The following DOCK4 variants were observed in gnomAD, a reference collection of about 807,000 sequenced individuals.
DOCK4 encodes dedicator of cytokinesis protein 4.
DOCK4 carries 97 observed loss-of-function variants against 268.1 expected under a neutral mutation model. The observed-to-expected ratio is 0.36, with a 90% CI of 0.31 to 0.43. The LOEUF is 0.43. DOCK4 is among the 20% of genes least tolerant of loss of function. The pLI, the probability that DOCK4 is intolerant of heterozygous loss-of-function variation, is 1.00. For missense variants in DOCK4, 2,145 were observed against 2,455.7 expected (o/e 0.87, Z 2.67); for synonymous variants, 954 against 887.2 (o/e 1.08, Z -1.34).
chr7:112,085,951 A>T (rs1436365927), intron 1 of DOCK4, among the ~76,000 whole-genome samples: 1 of 152,134 alleles, frequency 6.6e-6, no homozygotes, highest in Non-Finnish European at 1.5e-5. Context: ...TACATCCTTG[A>T]AACATTGTAA....
intron 1 of DOCK4, among the ~76,000 whole-genome samples, chr7:112,195,642 G>C (rs1016156803): frequency 1.3e-5 from 2 of 151,160 alleles, no homozygotes; most frequent in Non-Finnish European, 2.9e-5. Flanking sequence ...GCATCCCCAC[G>C]TTCCCAAACC....
intron 41 of DOCK4, among the ~76,000 whole-genome samples, chr7:111,755,920 C>T (rs1022916230): frequency 6.6e-6 from 1 of 152,218 alleles, no homozygotes; most frequent in Non-Finnish European, 1.5e-5. Flanking sequence ...AAACTCTCTT[C>T]ACTCCTTAAC....
At chr7:111,813,128 A>C (rs1250978695) in intron 27 of DOCK4, among the ~76,000 whole-genome samples, 1 of 152,234 alleles carries the variant, frequency 6.6e-6, no homozygotes, top group African/African-American at 2.4e-5. Flanking sequence ...CTGAGGATCA[A>C]TATATAAATT....
chr7:111,753,005 T>TG (rs5886603), intron 42 of DOCK4, among the ~76,000 whole-genome samples: 33,851 of 105,050 alleles, frequency 0.32, 6,108 homozygotes, highest in East Asian at 0.48. Context: ...GATAAGCTAT[T>TG]GGGGGGGGGG....
In DOCK4 at chr7:111,822,406, C is replaced by A. The variant is rs1802057743; in HGVS notation, c.2886G>T (p.Glu962Asp). The change falls in exon 27 of 53, where the codon GAG (glutamate) becomes GAT (aspartate). Residue 962 changes from glutamate to aspartate, a missense_variant. By Grantham distance (45) the Glu-to-Asp change is conservative (BLOSUM62 2). Transcript: ENST00000428084. ...FTVFRILIRP[E>D]MFPKDWTVMR... is the part of the protein sequence containing the mutation. ...TAACAGTCCAGTCCTTTGGAAACATCTCCGGGCGTATCAATATTCGGAACA... is the reference window on the plus strand; with the variant it reads ...TAACAGTCCAGTCCTTTGGAAACATATCCGGGCGTATCAATATTCGGAACA... 1.9e-6 allele frequency: 3 copies of A among 1,613,542 alleles called. No individual in the cohort carries two copies. Among genetic ancestry groups the A allele is most frequent in the African/African-American group, 2.7e-5 (2 of 74,924 alleles).
chr7:112,148,436 A>C (rs1190661801), intron 1 of DOCK4, among the ~76,000 whole-genome samples: 1 of 152,180 alleles, frequency 6.6e-6, no homozygotes, highest in Non-Finnish European at 1.5e-5. Flanking sequence ...ACAATGAAAA[A>C]CAATTAAAGT....
chr7:112,013,674 T>C (rs1238380145), intron 1 of DOCK4, among the ~76,000 whole-genome samples: 1 of 152,230 alleles, frequency 6.6e-6, no homozygotes, highest in Non-Finnish European at 1.5e-5. Flanking sequence ...CACGTGTCCA[T>C]GTGAAGAGAC....
chr7:111,954,060 T>C (rs1796264826), intron 8 of DOCK4, among the ~76,000 whole-genome samples: 1 of 152,260 alleles, frequency 6.6e-6, no homozygotes, highest in South Asian at 2.1e-4. Context: ...CTCATTTATG[T>C]ATGAAATATA....
At chr7:111,942,807 A>C (rs1428285772) in intron 10 of DOCK4, among the ~76,000 whole-genome samples, 11 of 152,214 alleles carry the variant, frequency 7.2e-5, no homozygotes, top group Admixed American at 5.2e-4. Flanking sequence ...ACAGAGCAGT[A>C]GGGGCTACCT....
At chr7:111,923,691 A>G (rs956711997) in intron 12 of DOCK4, among the ~76,000 whole-genome samples, 1 of 152,150 alleles carries the variant, frequency 6.6e-6, no homozygotes, top group African/African-American at 2.4e-5. Flanking sequence ...ACCTTTTCAA[A>G]TATTGCAGCT....
chr7:111,760,063 A>T lies in DOCK4; in HGVS notation c.4162+118T>A, dbSNP rs529613690. 1.2e-4 allele frequency: 149 copies of T among 1,233,852 alleles called. No individual in the cohort carries two copies. In the South Asian group the frequency reaches 1.9e-3, roughly 16 times the overall value. 76.4% of individuals were successfully genotyped at this position (1,233,852 alleles called of 1,614,324 possible). A position where few individuals can be genotyped will look rare whatever the true frequency, so the allele number is the denominator to read the frequency against. ...AAAATTAAGATGATGGGAAAGAGGG[A>T]GCAGTAACGATGTGGCTATTGAAAA... On this transcript the variant is annotated intron_variant, in intron 40 of 52. Coordinates refer to ENST00000428084, the MANE Select transcript of DOCK4 (RefSeq NM_001363540.2).
chr7:112,004,374 T>A (rs2135318692), intron 1 of DOCK4, among the ~76,000 whole-genome samples: 1 of 152,304 alleles, frequency 6.6e-6, no homozygotes, highest in African/African-American at 2.4e-5. Context: ...ATACACAATA[T>A]ATCAATGCTA....
intron 1 of DOCK4, among the ~76,000 whole-genome samples, chr7:112,011,977 A>G (rs1801364396): frequency 1.3e-5 from 2 of 151,532 alleles, no homozygotes; most frequent in African/African-American, 4.9e-5. Context: ...AGCTCCACCA[A>G]TTATGAACCA....
rs766949948 is a variant in DOCK4, at chr7:111,977,327, A to G, written c.550-44T>C. 3 of 1,559,434 alleles carry G rather than the reference A, an allele frequency of 1.9e-6. No homozygotes were observed. The South Asian group carries it at 3.6e-5, about 19-fold the overall frequency. On this transcript the variant is annotated intron_variant, in intron 7 of 52. Transcript: ENST00000428084. The stretch of plus-strand genomic sequence containing the variant: ...CAAAAACATGATCAGCATGGACTGA[A>G]GGAAATAACAGGACCCAACAAACTA...
intron 1 of DOCK4, among the ~76,000 whole-genome samples, chr7:112,041,622 T>C (rs376101614): frequency 5.1e-4 from 78 of 152,332 alleles, no homozygotes; most frequent in African/African-American, 1.7e-3. Context: ...CCCATCTGTT[T>C]CTTGTTCCAT....
intron 20 of DOCK4, 109 bp downstream of exon 20, chr7:111,871,881 G>T: frequency 1.3e-6 from 1 of 778,858 alleles, no homozygotes; most frequent in Non-Finnish European, 2.0e-6. Flanking sequence ...CTTCAGTAGT[G>T]CTCCATTTCT....
chr7:111,785,980 C>T (rs1198600846), intron 32 of DOCK4, among the ~76,000 whole-genome samples: 1 of 152,150 alleles, frequency 6.6e-6, no homozygotes, highest in African/African-American at 2.4e-5. Flanking sequence ...CAATCTCCCT[C>T]TCTCGGTATC....
chr7:112,001,109 T>C (rs1043804498), intron 2 of DOCK4, among the ~76,000 whole-genome samples: 2 of 152,206 alleles, frequency 1.3e-5, no homozygotes, highest in Admixed American at 6.5e-5. Context: ...CATCATTCAC[T>C]GCCAGAATTA....
At chr7:111,788,445 A>G in intron 32 of DOCK4, 1 of 559,442 alleles carries the variant, frequency 1.8e-6, no homozygotes, top group East Asian at 2.9e-5. Context: ...TGTCCTAATC[A>G]GAGATTAAAA....
Sources: gnomAD v4.1 joint callset for allele counts (sites outside exome capture counted in the v4.1 genomes callset) on GRCh38, gnomAD v4.1.1 for gene constraint, MANE v1.5 for transcripts, NCBI Gene and HGNC (gene_info 2026-07-23, HGNC 2026-07-21) for gene names.